Variants in ZFAND3 observed in about 807,000 individuals in gnomAD.
ZFAND3 encodes the protein zinc finger AN1-type containing 3.
In ZFAND3, 10 loss-of-function variants were observed where a neutral mutation model predicts 29.6. The ratio of observed to expected loss-of-function variants is 0.34; its 90% CI spans 0.21 to 0.57. ZFAND3 has a LOEUF of 0.57. Among genes scored for constraint, ZFAND3 ranks in the 20% least tolerant of loss-of-function variants. The pLI is 0.86. For synonymous variants in ZFAND3, 128 were observed against 112.6 expected (o/e 1.14, Z -0.87); for missense variants, 230 against 304.5 (o/e 0.76, Z 1.82).
chr6:37,994,244 A>G (rs1303982648), intron 2 of ZFAND3, among the ~76,000 whole-genome samples: 3 of 152,186 alleles, frequency 2.0e-5, no homozygotes, highest in African/African-American at 7.2e-5. Flanking sequence ...TCCATAGGAC[A>G]GCAGCTTATT....
intron 2 of ZFAND3, among the ~76,000 whole-genome samples, chr6:38,045,063 T>TTTATTTAC (rs1763871293): frequency 7.6e-6 from 1 of 132,408 alleles, no homozygotes; most frequent in African/African-American, 2.7e-5. Context: ...CTTTTATTTA[T>TTTATTTAC]TTATTTATTT....
chr6:38,038,042 A>G (rs1651923899), intron 2 of ZFAND3, among the ~76,000 whole-genome samples: 2 of 152,196 alleles, frequency 1.3e-5, no homozygotes, highest in Admixed American at 1.3e-4. Flanking sequence ...GGGTAAAAGC[A>G]TTAAGGAGCC....
rs181356098 is a variant in ZFAND3 at position 38,139,013 on chromosome 6, G to C, written c.530-13222G>C. On this transcript the variant is annotated intron_variant, in intron 5 of 5. Transcript: ENST00000287218. The stretch of plus-strand genomic sequence containing the variant: ...CCTAAAGGAGAAAATGCAGGAGGAC[G>C]TGATGCTGGGTGATTTTAGAGGAGA... 7.7e-4 allele frequency among the ~76,000 whole-genome samples: 118 copies of C among 152,330 alleles called. No individual in the cohort carries two copies. The Middle Eastern group carries it at 0.01, about 13-fold the overall frequency.
intron 5 of ZFAND3, among the ~76,000 whole-genome samples, chr6:38,129,081 A>G (rs576357314): frequency 6.6e-6 from 1 of 152,250 alleles, no homozygotes; most frequent in East Asian, 1.9e-4. Flanking sequence ...CTAATCATTA[A>G]TGATGTTGAG....
intron 1 of ZFAND3, among the ~76,000 whole-genome samples, chr6:37,922,422 ATATT>A (rs1761400117): frequency 6.6e-6 from 1 of 152,274 alleles, no homozygotes; most frequent in African/African-American, 2.4e-5. Context: ...GGCGTGATAA[ATATT>A]AAATGTAAAT....
At chr6:37,990,470 T>C (rs1762740199) in intron 2 of ZFAND3, among the ~76,000 whole-genome samples, 1 of 152,196 alleles carries the variant, frequency 6.6e-6, no homozygotes, top group African/African-American at 2.4e-5. Context: ...CAAGTGCTCC[T>C]AATAAATATG....
At chr6:37,907,214 A>C (rs758813014) in intron 1 of ZFAND3, among the ~76,000 whole-genome samples, 5 of 151,968 alleles carry the variant, frequency 3.3e-5, no homozygotes, top group Admixed American at 6.6e-5. Context: ...TCCTCTCCCA[A>C]CTTTTTTGTT....
intron 4 of ZFAND3, among the ~76,000 whole-genome samples, chr6:38,094,161 A>C (rs376644129): frequency 6.6e-6 from 1 of 152,122 alleles, no homozygotes; most frequent in African/African-American, 2.4e-5. Flanking sequence ...ATAATACCAT[A>C]AGTTGTAAGT....
At chr6:38,001,051 A>T (rs1320607683) in intron 2 of ZFAND3, among the ~76,000 whole-genome samples, 1 of 152,192 alleles carries the variant, frequency 6.6e-6, no homozygotes, top group African/African-American at 2.4e-5. Flanking sequence ...CACTTGAAGG[A>T]GAATAGGTTG....
At chr6:37,845,023 C>CAA (rs1422440103) in intron 1 of ZFAND3, among the ~76,000 whole-genome samples, 13 of 81,412 alleles carry the variant, frequency 1.6e-4, no homozygotes, top group Non-Finnish European at 1.7e-4. Context: ...GACTCCGTCT[C>CAA]AAAAAAAAAA....
chr6:37,988,910 A>AT (rs1040758558), intron 2 of ZFAND3, among the ~76,000 whole-genome samples: 307 of 146,244 alleles, frequency 2.1e-3, no homozygotes, highest in Middle Eastern at 3.5e-3. Context: ...ATTTAGCTGA[A>AT]TTTTTTTTTT....
At chr6:37,975,802 C>T (rs189559821) in intron 2 of ZFAND3, among the ~76,000 whole-genome samples, 1 of 152,108 alleles carries the variant, frequency 6.6e-6, no homozygotes, top group South Asian at 2.1e-4. Context: ...TATAATAATT[C>T]TTGAAATCAG....
In ZFAND3 at chr6:38,041,276, C is replaced by G. The variant is rs148326763; in HGVS notation, c.113-20317C>G. ...CTCCACTATAAAATTCCTGCATTCC[C>G]TTACTAATTAGTAAGAAATTGTGGA... is the stretch of plus-strand genomic sequence containing the variant. On this transcript the variant is annotated intron_variant, in intron 2 of 5. Coordinates refer to ENST00000287218, the MANE Select transcript of ZFAND3 (RefSeq NM_021943.3). 2.4e-3 allele frequency among the ~76,000 whole-genome samples: 373 copies of G among 152,246 alleles called. 2 individuals are homozygous for G. Among genetic ancestry groups the G allele is most frequent in the African/African-American group, 8.7e-3 (361 of 41,524 alleles).
chr6:38,123,229 A>G (rs1333618276), intron 5 of ZFAND3, among the ~76,000 whole-genome samples: 1 of 152,234 alleles, frequency 6.6e-6, no homozygotes, highest in African/African-American at 2.4e-5. Flanking sequence ...GCAGGGGGCT[A>G]CACAATGAAC....
chr6:37,838,689 A>C (rs1258445522), intron 1 of ZFAND3, among the ~76,000 whole-genome samples: 2 of 152,130 alleles, frequency 1.3e-5, no homozygotes, highest in African/African-American at 4.8e-5. Context: ...CTCCATGTGG[A>C]TATACCACAT....
Position 37,854,774 on chromosome 6 carries a change from C to T in ZFAND3, c.71+34758C>T, listed in dbSNP as rs756560763. On this transcript the variant is annotated intron_variant, in intron 1 of 5. Coordinates refer to ENST00000287218, the MANE Select transcript of ZFAND3 (RefSeq NM_021943.3). ...TACATAGGCTAAAATGCCCCCCCCCCCCTTTTTTTTTAAGAAGTAGGCTGA... is the reference window on the plus strand; with the variant it reads ...TACATAGGCTAAAATGCCCCCCCCCTCCTTTTTTTTTAAGAAGTAGGCTGA... Among the ~76,000 whole-genome samples the T allele has an allele frequency of 8.1e-3, 1,132 of 139,348 alleles. 13 individuals are homozygous for T. Among genetic ancestry groups the T allele is most frequent in the Non-Finnish European group, 0.013 (852 of 63,704 alleles). 91.4% of individuals were successfully genotyped at this position (139,348 alleles called of 152,430 possible).
At chr6:38,037,766 G>A (rs563583347) in intron 2 of ZFAND3, among the ~76,000 whole-genome samples, 3 of 152,276 alleles carry the variant, frequency 2.0e-5, no homozygotes, top group South Asian at 4.1e-4. Flanking sequence ...AATGAAAGGC[G>A]GGCGTGTAGG....
intron 2 of ZFAND3, among the ~76,000 whole-genome samples, chr6:37,990,064 A>C (rs930600367): frequency 4.6e-5 from 7 of 152,146 alleles, no homozygotes; most frequent in Admixed American, 2.0e-4. Flanking sequence ...TGGTTCTCTA[A>C]CTTTAGGGCT....
chr6:38,004,647 T>G (rs904914891), intron 2 of ZFAND3, among the ~76,000 whole-genome samples: 1 of 152,182 alleles, frequency 6.6e-6, no homozygotes, highest in African/African-American at 2.4e-5. Flanking sequence ...TTTCTAAATT[T>G]TCAATAATAG....
Sources: allele counts gnomAD v4.1 joint callset (sites outside exome capture counted in the v4.1 genomes callset), GRCh38; gene constraint gnomAD v4.1.1; transcripts MANE v1.5; gene names NCBI Gene and HGNC (gene_info 2026-07-23, HGNC 2026-07-21).